CD226: variants seen among roughly 807,000 people sequenced by gnomAD.
CD226 encodes CD226 antigen.
CD226 carries 24 observed loss-of-function variants against 34.9 expected under a neutral mutation model. That is an observed-to-expected ratio of 0.69 (90% CI 0.50 to 0.97). The LOEUF is 0.97. Among genes scored for constraint, CD226 ranks in the 50% least tolerant of loss-of-function variants. The probability of loss-of-function intolerance (pLI) is 0.00; values close to 1 mark genes in which losing one functional copy is unlikely to be tolerated. For missense variants in CD226, 397 were observed against 412.7 expected (o/e 0.96, Z 0.33); for synonymous variants, 148 against 147.4 (o/e 1.00, Z -0.03).
intron 2 of CD226, among the ~76,000 whole-genome samples, chr18:69,911,462 C>T (rs2055323564): frequency 1.3e-5 from 2 of 152,214 alleles, no homozygotes; most frequent in Admixed American, 1.3e-4. Flanking sequence ...AAAATAAACC[C>T]TAAACAGATA....
At chr18:69,942,130 G>A (rs1311167526) in intron 2 of CD226, among the ~76,000 whole-genome samples, 2 of 152,014 alleles carry the variant, frequency 1.3e-5, no homozygotes, top group Non-Finnish European at 2.9e-5. Flanking sequence ...ATACTGAACT[G>A]TGAGTCAATT....
intron 2 of CD226, among the ~76,000 whole-genome samples, chr18:69,931,426 G>GA (rs541817408): frequency 2.5e-4 from 38 of 151,072 alleles, no homozygotes; most frequent in Non-Finnish European, 4.9e-4. Flanking sequence ...ATGACAGGAA[G>GA]AAAAAAAACT....
intron 3 of CD226, among the ~76,000 whole-genome samples, chr18:69,893,298 T>C (rs1259417767): frequency 6.6e-6 from 1 of 152,234 alleles, no homozygotes; most frequent in Non-Finnish European, 1.5e-5. Flanking sequence ...TTCATTTCAT[T>C]GGCAGAGTTT....
Position 69,856,421 on chromosome 18 carries a change from G to T in CD226, c.*7893C>A, listed in dbSNP as rs532211752. 2 of 152,236 alleles carry T rather than the reference G, an allele frequency of 1.3e-5. No individual in the cohort carries two copies. 9.4% of individuals were successfully genotyped at this position (152,236 alleles called of 1,614,324 possible). ...GATCAAGAAGAGGGAAAATCAGAAAGGATATAGATAATCTGAACGGTGGTA... is the reference window on the plus strand; with the variant it reads ...GATCAAGAAGAGGGAAAATCAGAAATGATATAGATAATCTGAACGGTGGTA... On this transcript the variant is annotated 3_prime_UTR_variant, in exon 6 of 6. Coordinates refer to ENST00000582621, the MANE Select transcript of CD226 (RefSeq NM_001303618.2).
chr18:69,933,443 T>A (rs1477220487), intron 2 of CD226, among the ~76,000 whole-genome samples: 2 of 152,150 alleles, frequency 1.3e-5, no homozygotes, highest in South Asian at 2.1e-4. Flanking sequence ...TCTCCATTCA[T>A]CCAAATTACA....
rs1271379721 is a variant in CD226, at chr18:69,893,584, T to C, written c.727+2117A>G. On this transcript the variant is annotated intron_variant, in intron 3 of 5. Coordinates refer to ENST00000582621, the MANE Select transcript of CD226 (RefSeq NM_001303618.2). Reference sequence around the variant, plus strand: ...GCCTTGGTCTCTAATCTGTTTTCACTGTTTCTTTTTCCTGACCAGTTTCAA... The same window carrying C: ...GCCTTGGTCTCTAATCTGTTTTCACCGTTTCTTTTTCCTGACCAGTTTCAA... Among the ~76,000 whole-genome samples, 5 of 152,354 alleles carry C rather than the reference T, an allele frequency of 3.3e-5. No homozygotes were observed. The South Asian group carries it at 6.2e-4, about 19-fold the overall frequency.
chr18:69,907,136 C>T (rs187182198), intron 2 of CD226, among the ~76,000 whole-genome samples: 1 of 152,270 alleles, frequency 6.6e-6, no homozygotes, highest in African/African-American at 2.4e-5. Flanking sequence ...CAATCCAGAT[C>T]CCCTGATGGG....
rs569915529 is a variant in CD226, at chr18:69,857,025, T to G, written c.*7289A>C. The G allele has an allele frequency of 3.9e-5, 6 of 151,974 alleles. No homozygotes were observed. The highest frequency in any genetic ancestry group is 1.5e-4 in the African/African-American group (6 of 41,368). The allele number at this position is 151,974 out of a possible 1,614,324, so 9.4% of individuals were successfully genotyped here. ...CTACTAAAAATACAAAAAAATTAGC[T>G]GGGCATGGTGGTGGGCGCCTGAAGT... On this transcript the variant is annotated 3_prime_UTR_variant, in exon 6 of 6. Transcript: ENST00000582621.
intron 3 of CD226, among the ~76,000 whole-genome samples, chr18:69,876,788 A>C (rs1218590598): frequency 1.3e-5 from 2 of 151,490 alleles, no homozygotes; most frequent in Non-Finnish European, 2.9e-5. Flanking sequence ...TCCCAAAGAC[A>C]TCTCACCCCC....
At chr18:69,864,914 AAAAG>A (rs1309755683) in intron 5 of CD226, among the ~76,000 whole-genome samples, 2 of 152,236 alleles carry the variant, frequency 1.3e-5, no homozygotes, top group African/African-American at 4.8e-5. Context: ...CAGGTGTGAA[AAAAG>A]AAAGACAAAT....
chr18:69,896,394 G>A lies in CD226; in HGVS notation c.383-349C>T, dbSNP rs180760377. ...GACGGGCTTTCACCGTGTTAGCCAG[G>A]ATGGTCTCAATCTCCTGACCTTGTG... is the stretch of plus-strand genomic sequence containing the variant. On this transcript the variant is annotated intron_variant, in intron 2 of 5. Transcript: ENST00000582621. 4.6e-3 allele frequency among the ~76,000 whole-genome samples: 695 copies of A among 152,218 alleles called. 11 individuals carry two copies. Among genetic ancestry groups the A allele is most frequent in the African/African-American group, 0.016 (668 of 41,526 alleles).
At chr18:69,907,732 A>G (rs138069598) in intron 2 of CD226, among the ~76,000 whole-genome samples, 261 of 152,338 alleles carry the variant, frequency 1.7e-3, no homozygotes, top group Non-Finnish European at 2.3e-3. Flanking sequence ...TTAAGAGGGT[A>G]CAAAACCTCA....
intron 1 of CD226, among the ~76,000 whole-genome samples, chr18:69,954,591 T>C (rs2055881203): frequency 6.6e-6 from 1 of 151,470 alleles, no homozygotes; most frequent in Admixed American, 6.6e-5. Context: ...AGGCCCAAAG[T>C]GAACTTCCTC....
At chr18:69,877,710 C>T (rs1599383603) in intron 3 of CD226, among the ~76,000 whole-genome samples, 2 of 152,138 alleles carry the variant, frequency 1.3e-5, no homozygotes, top group African/African-American at 4.8e-5. Flanking sequence ...GAATTTTGAG[C>T]CAGGACCCGT....
intron 2 of CD226, among the ~76,000 whole-genome samples, chr18:69,942,973 A>G (rs1434459977): frequency 6.6e-6 from 1 of 152,132 alleles, no homozygotes; most frequent in Non-Finnish European, 1.5e-5. Context: ...TTTCTCTACC[A>G]TGGCCCTCCC....
chr18:69,888,018 T>C (rs1023126420), intron 3 of CD226, among the ~76,000 whole-genome samples: 5 of 152,218 alleles, frequency 3.3e-5, no homozygotes, highest in African/African-American at 1.2e-4. Context: ...AACATAGTCC[T>C]CCAGAAACCT....
chr18:69,956,744 A>C (rs2055901017), intron 1 of CD226: 1 of 152,236 alleles, frequency 6.6e-6, no homozygotes, highest in Non-Finnish European at 1.5e-5. Flanking sequence ...TTTTCTGAGA[A>C]GGTTACTAAC....
chr18:69,953,943 T>A (rs573357158), intron 1 of CD226, among the ~76,000 whole-genome samples: 27 of 149,032 alleles, frequency 1.8e-4, no homozygotes, highest in African/African-American at 6.7e-4. Flanking sequence ...GAGGTTGCAG[T>A]GAGCTGAGAT....
In CD226 at chr18:69,855,556, T is replaced by C. The variant is rs562950148; in HGVS notation, c.*8758A>G. 2.0e-5 allele frequency: 3 copies of C among 152,198 alleles called. No homozygotes were observed. Among genetic ancestry groups the C allele is most frequent in the Admixed American group, 6.5e-5 (1 of 15,274 alleles). 9.4% of individuals were successfully genotyped at this position (152,198 alleles called of 1,614,324 possible). A position where few individuals can be genotyped will look rare whatever the true frequency, so the allele number is the denominator to read the frequency against. On this transcript the variant is annotated 3_prime_UTR_variant, in exon 6 of 6. Transcript: ENST00000582621. ...CAAAAGAATGTTAGAAGTAATAACG[T>C]CTGGGAACTTGCCAAAATTAGTGAT... is the stretch of plus-strand genomic sequence containing the variant.
Sources: allele counts gnomAD v4.1 joint callset (sites outside exome capture counted in the v4.1 genomes callset), GRCh38; gene constraint gnomAD v4.1.1; transcripts MANE v1.5; gene names NCBI Gene and HGNC (gene_info 2026-07-23, HGNC 2026-07-21).